The following JOSD1 variants were observed in gnomAD, a reference collection of about 807,000 sequenced individuals.
JOSD1 encodes josephin-1.
In JOSD1, 11 loss-of-function variants were observed where a neutral mutation model predicts 24.3. The ratio of observed to expected loss-of-function variants is 0.45; its 90% CI spans 0.29 to 0.75. The LOEUF (loss-of-function observed/expected upper bound fraction) is 0.75. JOSD1 is among the 30% of genes least tolerant of loss of function. JOSD1 has a pLI of 0.11. For synonymous variants in JOSD1, 106 were observed against 93.8 expected (o/e 1.13, Z -0.75); for missense variants, 184 against 253.5 (o/e 0.73, Z 1.86).
At position 38,686,824 on chromosome 22, in the gene JOSD1, G is replaced by C. The variant is rs1290915563; in HGVS notation, c.*1078C>G. 2.0e-5 allele frequency: 3 copies of C among 152,030 alleles called. No individual in the cohort carries two copies. Among genetic ancestry groups the C allele is most frequent in the Non-Finnish European group, 4.4e-5 (3 of 68,006 alleles). 9.4% of individuals were successfully genotyped at this position (152,030 alleles called of 1,614,324 possible). A position where few individuals can be genotyped will look rare whatever the true frequency, so the allele number is the denominator to read the frequency against. On this transcript the variant is annotated 3_prime_UTR_variant, in exon 5 of 5. Coordinates refer to ENST00000683374, the MANE Select transcript of JOSD1 (RefSeq NM_001360236.2). Reference sequence around the variant, plus strand: ...TGTCAAAAGCAGACTTTTTTTTCCTGATTTTGCCAGAGTGAGTGAACTGGG... The same window carrying C: ...TGTCAAAAGCAGACTTTTTTTTCCTCATTTTGCCAGAGTGAGTGAACTGGG...
Position 38,699,823 on chromosome 22 carries a change from C to A in JOSD1, c.165G>T (p.Thr55=). The A allele has an allele frequency of 1.2e-6, 2 of 1,614,134 alleles. No individual in the cohort carries two copies. Among genetic ancestry groups the A allele is most frequent in the Non-Finnish European group, 1.7e-6 (2 of 1,180,012 alleles). The stretch of plus-strand genomic sequence containing the variant: ...CCTACCTCTGGAAAATCTCTTGCAG[C>A]GTATCCCGGGTGAAGGCATTGCTGT... The part of the protein sequence containing the change: ...FQDSNAFTRD[T]LQEIFQRLSP... Residue 55 remains threonine, a synonymous_variant, in exon 2 of 5, where the codon ACG becomes ACT. Transcript: ENST00000683374.
At chr22:38,700,641 G>C (rs1256411634) in intron 1 of JOSD1, 23 bp from the exon 2 acceptor site, 31 of 984,244 alleles carry the variant, frequency 3.1e-5, no homozygotes, top group Non-Finnish European at 3.6e-5. Context: ...AGACAACTCC[G>C]GTCAGCGGCG....
Position 38,687,895 on chromosome 22 carries a change from A to C in JOSD1, c.*7T>G. ...GGCTGAGGCGAGAGGGAGGTTGGGC[A>C]GAACTGTTACACATCGGTCCTCCAA... On this transcript the variant is annotated 3_prime_UTR_variant, in exon 5 of 5. Transcript: ENST00000683374. The C allele has an allele frequency of 1.2e-6, 2 of 1,601,926 alleles. No homozygotes were observed. Among genetic ancestry groups the C allele is most frequent in the Non-Finnish European group, 1.7e-6 (2 of 1,168,866 alleles).
chr22:38,693,531 C>T (rs918702365), intron 2 of JOSD1, among the ~76,000 whole-genome samples: 14 of 152,230 alleles, frequency 9.2e-5, no homozygotes, highest in African/African-American at 3.4e-4. Flanking sequence ...CCTGGCCCCA[C>T]TTGGCCAGCT....
Position 38,689,120 on chromosome 22 carries a change from A to T in JOSD1, c.324T>A (p.Gly108=). Residue 108 remains glycine, a synonymous_variant, in exon 4 of 5, where the codon GGT becomes GGA. Coordinates refer to ENST00000683374, the MANE Select transcript of JOSD1 (RefSeq NM_001360236.2). ...AVWWDKRRDV[G]VIALTNVMGF... ...CCATGACGTTAGTGAGGGCAATGAC[A>T]CCGACATCCCTGCAGGGGAGAAATG... 2 of 1,613,388 alleles carry T rather than the reference A, an allele frequency of 1.2e-6. No individual in the cohort carries two copies. Among genetic ancestry groups the T allele is most frequent in the Non-Finnish European group, 1.7e-6 (2 of 1,179,530 alleles).
chr22:38,688,528 G>C (rs1352632573), intron 4 of JOSD1, among the ~76,000 whole-genome samples: 1 of 152,334 alleles, frequency 6.6e-6, no homozygotes, highest in East Asian at 1.9e-4. Context: ...CTCCCAAAGT[G>C]CTGAGATTAC....
At chr22:38,700,651 G>GAGCGGGCGCGGGA in intron 1 of JOSD1, 33 bp from the exon 2 acceptor site, 1 of 983,126 alleles carries the variant, frequency 1.0e-6, no homozygotes, top group Non-Finnish European at 1.2e-6. Flanking sequence ...GGTCAGCGGC[G>GAGCGGGCGCGGGA]AGCGGGCGCG....
intron 2 of JOSD1, among the ~76,000 whole-genome samples, chr22:38,691,574 TG>T (rs1826171052): frequency 6.6e-6 from 1 of 152,230 alleles, no homozygotes; most frequent in Non-Finnish European, 1.5e-5. Context: ...TTTTTCTCAC[TG>T]TGCACTCATG....
chr22:38,688,161 T>C (rs1037263533), intron 4 of JOSD1, among the ~76,000 whole-genome samples, 160 bp from the exon 5 acceptor site: 3 of 152,226 alleles, frequency 2.0e-5, no homozygotes, highest in African/African-American at 7.2e-5. Context: ...TACCCTCCAA[T>C]CTGTCCAGTT....
intron 2 of JOSD1, among the ~76,000 whole-genome samples, chr22:38,695,691 C>T (rs1321875283): frequency 1.3e-5 from 2 of 152,088 alleles, no homozygotes; most frequent in Non-Finnish European, 2.9e-5. Context: ...AAGCCATCCA[C>T]CCAACTCGGC....
chr22:38,690,781 G>A (rs2092518363), intron 2 of JOSD1, among the ~76,000 whole-genome samples: 1 of 152,128 alleles, frequency 6.6e-6, no homozygotes, highest in Admixed American at 6.6e-5. Context: ...GGCACTCTGG[G>A]AGGCTGAGGT....
rs139882005 is a variant in JOSD1 at position 38,688,003 on chromosome 22, T to C, written c.510-2A>G. The C allele has an allele frequency of 6.2e-7, 1 of 1,607,464 alleles. No homozygotes were observed. The highest frequency in any genetic ancestry group is 8.5e-7 in the Non-Finnish European group (1 of 1,174,094). ...CGCAAATGATGTTTTAGAAACTTCCTATGGAAAAAGAGATAGAGAAAATGA... is the reference window on the plus strand; with the variant it reads ...CGCAAATGATGTTTTAGAAACTTCCCATGGAAAAAGAGATAGAGAAAATGA... On this transcript the variant is annotated splice_acceptor_variant, in intron 4 of 4. Coordinates refer to ENST00000683374, the MANE Select transcript of JOSD1 (RefSeq NM_001360236.2). LOFTEE classifies it high-confidence loss of function.
intron 2 of JOSD1, among the ~76,000 whole-genome samples, chr22:38,694,968 G>C (rs772735905): frequency 6.6e-6 from 1 of 151,806 alleles, no homozygotes; most frequent in Non-Finnish European, 1.5e-5. Flanking sequence ...GGTTTCCACT[G>C]TGTCTGACTA....
intron 2 of JOSD1, among the ~76,000 whole-genome samples, chr22:38,690,044 A>G (rs1032634674): frequency 6.6e-6 from 1 of 152,062 alleles, no homozygotes; most frequent in Admixed American, 6.6e-5. Flanking sequence ...TGGTTTGCCC[A>G]CCCAGCTTGA....
chr22:38,698,237 G>A (rs2092553387), intron 2 of JOSD1, among the ~76,000 whole-genome samples: 2 of 152,194 alleles, frequency 1.3e-5, no homozygotes, highest in African/African-American at 4.8e-5. Context: ...ATCTCCCAGT[G>A]CCCCAGGTCC....
intron 2 of JOSD1, among the ~76,000 whole-genome samples, chr22:38,697,465 A>G (rs562192156): frequency 6.6e-6 from 1 of 152,368 alleles, no homozygotes; most frequent in East Asian, 1.9e-4. Flanking sequence ...GTGGGCATTT[A>G]GCAAATATTT....
chr22:38,687,729 A>T lies in JOSD1; in HGVS notation c.*173T>A, dbSNP rs1359573132. 1.7e-6 allele frequency: 1 copy of T among 575,760 alleles called. No individual in the cohort carries two copies. The highest frequency in any genetic ancestry group is 1.9e-5 in the African/African-American group (1 of 52,870). 35.7% of individuals were successfully genotyped at this position (575,760 alleles called of 1,614,324 possible). On this transcript the variant is annotated 3_prime_UTR_variant, in exon 5 of 5. Transcript: ENST00000683374. ...TACCTTCCTTGCCCAGGAACAAAAC[A>T]CTGAGTAGTTCTTATAACAGTCCAC... is the stretch of plus-strand genomic sequence containing the variant.
In JOSD1 at chr22:38,694,866, A is replaced by T. The variant is rs1259518227; in HGVS notation, c.185+4937T>A. Among the ~76,000 whole-genome samples, 4 of 66,812 alleles carry T rather than the reference A, an allele frequency of 6.0e-5. No individual in the cohort carries two copies. In the East Asian group the frequency reaches 2.5e-3, roughly 41 times the overall value. 43.8% of individuals were successfully genotyped at this position (66,812 alleles called of 152,430 possible). On this transcript the variant is annotated intron_variant, in intron 2 of 4. Transcript: ENST00000683374. Reference sequence around the variant, plus strand: ...AAGAGAGCGAGAGACTCAGTCTCAAAAAAAAAAAAAAAAAAAAAAGTGAAA... The same window carrying T: ...AAGAGAGCGAGAGACTCAGTCTCAATAAAAAAAAAAAAAAAAAAAGTGAAA...
At position 38,700,874 on chromosome 22, in the gene JOSD1, G is replaced by A; in HGVS notation, c.-706C>T. 1 of 984,332 alleles carries A rather than the reference G, an allele frequency of 1.0e-6. No homozygotes were observed. The highest frequency in any genetic ancestry group is 1.2e-6 in the Non-Finnish European group (1 of 829,516). The allele number at this position is 984,332 out of a possible 1,614,324, so 61.0% of individuals were successfully genotyped here. On this transcript the variant is annotated 5_prime_UTR_variant, in exon 1 of 5. Transcript: ENST00000683374. ...CCCGGCCGCAGACCCCAGGGCCGCC[G>A]GGACTGCTCGCCGCTGGCGGTCCCC...
Sources: gnomAD v4.1 joint callset for allele counts (sites outside exome capture counted in the v4.1 genomes callset) on GRCh38, gnomAD v4.1.1 for gene constraint, MANE v1.5 for transcripts, NCBI Gene and HGNC (gene_info 2026-07-23, HGNC 2026-07-21) for gene names.